MBNL2: variants seen among roughly 807,000 people sequenced by gnomAD.
MBNL2 encodes muscleblind like splicing regulator 2.
Under a neutral mutation model 41.9 loss-of-function variants are expected in MBNL2, and 17 were observed. The observed-to-expected ratio is 0.41, with a 90% CI of 0.28 to 0.61. The LOEUF (loss-of-function observed/expected upper bound fraction) is 0.61, where lower values mean the gene tolerates loss of function less well. Among genes scored for constraint, MBNL2 ranks in the 20% least tolerant of loss-of-function variants. The probability of loss-of-function intolerance (pLI) is 0.35; values close to 1 mark genes in which losing one functional copy is unlikely to be tolerated. For missense variants in MBNL2, 336 were observed against 505.6 expected, an observed-to-expected ratio of 0.66 and a Z score of 3.22; for synonymous variants, 195 against 182.9, an observed-to-expected ratio of 1.07 and a Z score of -0.53.
At chr13:97,349,008 T>A (rs2062160994) in intron 5 of MBNL2, among the ~76,000 whole-genome samples, 1 of 152,244 alleles carries the variant, frequency 6.6e-6, no homozygotes, top group South Asian at 2.1e-4. Context: ...GCTGCTTATT[T>A]CCATACACCT....
intron 1 of MBNL2, among the ~76,000 whole-genome samples, chr13:97,273,620 T>C (rs1278130570): frequency 6.6e-6 from 1 of 152,226 alleles, no homozygotes; most frequent in Non-Finnish European, 1.5e-5. Flanking sequence ...TTTATTAAAA[T>C]GTAAAAGAAT....
At chr13:97,230,871 T>G (rs1457171085) in intron 1 of MBNL2, among the ~76,000 whole-genome samples, 1 of 152,188 alleles carries the variant, frequency 6.6e-6, no homozygotes, top group East Asian at 1.9e-4. Context: ...GAATATTAGA[T>G]AGTTAAGGGA....
chr13:97,289,062 A>T (rs1338721792), intron 2 of MBNL2, among the ~76,000 whole-genome samples: 2 of 152,188 alleles, frequency 1.3e-5, no homozygotes, highest in African/African-American at 4.8e-5. Flanking sequence ...GGCTAGATTC[A>T]ACTTCAGGGA....
chr13:97,372,241 A>G (rs2064455811), intron 8 of MBNL2, among the ~76,000 whole-genome samples: 1 of 152,230 alleles, frequency 6.6e-6, no homozygotes, highest in African/African-American at 2.4e-5. Context: ...TCTGGGCAAT[A>G]TGTTAACCAA....
chr13:97,319,362 C>T (rs1191789603), intron 2 of MBNL2, among the ~76,000 whole-genome samples: 7 of 152,124 alleles, frequency 4.6e-5, no homozygotes, highest in African/African-American at 1.7e-4. Context: ...GCTGGCCAGG[C>T]GGGAGCTCTG....
At chr13:97,267,999 T>A (rs1483848673) in intron 1 of MBNL2, among the ~76,000 whole-genome samples, 2 of 152,214 alleles carry the variant, frequency 1.3e-5, no homozygotes, top group Non-Finnish European at 2.9e-5. Context: ...AAACACAGAT[T>A]GCTCGTCCTC....
At chr13:97,199,945 C>T in the MBNL2 span, among the ~76,000 whole-genome samples, 656 of 152,376 alleles carry the variant, frequency 4.3e-3, 7 homozygotes, top group Admixed American at 5.9e-3. Context: ...GCTGTTGGCT[C>T]TGCACCTATG....
the MBNL2 span, among the ~76,000 whole-genome samples, chr13:97,147,340 A>G: frequency 6.6e-6 from 1 of 152,178 alleles, no homozygotes; most frequent in African/African-American, 2.4e-5. Flanking sequence ...TATAGAATGT[A>G]TGTTCATATT....
At chr13:97,146,749 G>A in the MBNL2 span, among the ~76,000 whole-genome samples, 1 of 152,172 alleles carries the variant, frequency 6.6e-6, no homozygotes, top group Non-Finnish European at 1.5e-5. Context: ...TGCTCAGGAT[G>A]TGTTGTTCCC....
chr13:97,378,856 T>C (rs565854693), intron 8 of MBNL2, among the ~76,000 whole-genome samples: 2 of 152,318 alleles, frequency 1.3e-5, no homozygotes, highest in African/African-American at 4.8e-5. Context: ...CAGATGTGTA[T>C]ATACATTATT....
At chr13:97,224,018 T>C (rs1235487806) in intron 1 of MBNL2, among the ~76,000 whole-genome samples, 3 of 152,230 alleles carry the variant, frequency 2.0e-5, no homozygotes, top group African/African-American at 7.2e-5. Flanking sequence ...TTTTGTAAAT[T>C]GTAAACCTGT....
the MBNL2 span, among the ~76,000 whole-genome samples, chr13:97,187,009 C>G: frequency 6.6e-6 from 1 of 152,164 alleles, no homozygotes; most frequent in Non-Finnish European, 1.5e-5. Flanking sequence ...CTTATTGCCA[C>G]CCTCAAAATA....
intron 2 of MBNL2, among the ~76,000 whole-genome samples, chr13:97,298,458 T>C (rs534905144): frequency 7.9e-4 from 121 of 152,324 alleles, no homozygotes; most frequent in Middle Eastern, 3.4e-3. Context: ...TGGGAGGCAC[T>C]GAATGAGTAT....
intron 4 of MBNL2, among the ~76,000 whole-genome samples, chr13:97,344,095 C>T (rs1412474757): frequency 1.4e-4 from 21 of 152,204 alleles, no homozygotes; most frequent in African/African-American, 3.6e-4. Flanking sequence ...CGTGAGCCAC[C>T]GCGCCCAGCC....
intron 1 of MBNL2, among the ~76,000 whole-genome samples, chr13:97,243,298 A>G (rs1283541865): frequency 6.6e-6 from 1 of 152,228 alleles, no homozygotes; most frequent in Admixed American, 6.5e-5. Context: ...TTATTTAGTC[A>G]GTCAACAAAC....
chr13:97,321,818 C>G (rs2059528057), intron 2 of MBNL2, among the ~76,000 whole-genome samples: 1 of 152,176 alleles, frequency 6.6e-6, no homozygotes, highest in Non-Finnish European at 1.5e-5. Flanking sequence ...GGCCAGCCAG[C>G]TTGACTGACT....
rs538397908 is a variant in MBNL2, at chr13:97,273,698, C to T, written c.-604-1934C>T. The stretch of plus-strand genomic sequence containing the variant: ...CCTGCTTAAATAAATGTTCCATCAT[C>T]AGATAAGCTTGAGACACCATTGAGG... On this transcript the variant is annotated intron_variant, in intron 1 of 8. Coordinates refer to ENST00000679496, the MANE Select transcript of MBNL2 (RefSeq NM_001382683.1). Among the ~76,000 whole-genome samples the T allele has an allele frequency of 2.6e-5, 4 of 152,342 alleles. No individual in the cohort carries two copies. In the East Asian group the frequency reaches 5.8e-4, roughly 22 times the overall value.
intron 1 of MBNL2, among the ~76,000 whole-genome samples, chr13:97,247,192 A>T (rs1397987855): frequency 6.6e-6 from 1 of 152,248 alleles, no homozygotes; most frequent in Non-Finnish European, 1.5e-5. Context: ...TAACACATGA[A>T]GAGAGCTTCG....
At chr13:97,209,493 G>A in the MBNL2 span, among the ~76,000 whole-genome samples, 1 of 152,200 alleles carries the variant, frequency 6.6e-6, no homozygotes, top group Non-Finnish European at 1.5e-5. Context: ...ATAAATTACT[G>A]CAAAGTAGTG....
Sources: gnomAD v4.1 joint callset for allele counts (sites outside exome capture counted in the v4.1 genomes callset) on GRCh38, gnomAD v4.1.1 for gene constraint, MANE v1.5 for transcripts, NCBI Gene and HGNC (gene_info 2026-07-23, HGNC 2026-07-21) for gene names.